Variants in FUT8 observed in about 807,000 individuals in gnomAD.
The protein encoded by FUT8 is alpha-(1,6)-fucosyltransferase.
Under a neutral mutation model 71.3 loss-of-function variants are expected in FUT8, and 29 were observed. The ratio of observed to expected loss-of-function variants is 0.41; its 90% CI spans 0.30 to 0.55. FUT8 has a LOEUF of 0.55. Ranked by LOEUF, FUT8 falls within the 20% of genes least tolerant of loss-of-function variation. The pLI is 0.34. For missense variants in FUT8, 544 were observed against 702.1 expected, an observed-to-expected ratio of 0.77 and a Z score of 2.55; for synonymous variants, 254 against 239.3, an observed-to-expected ratio of 1.06 and a Z score of -0.57.
intron 2 of FUT8, among the ~76,000 whole-genome samples, chr14:65,484,674 A>G (rs535595792): frequency 1.3e-5 from 2 of 152,138 alleles, no homozygotes; most frequent in Non-Finnish European, 2.9e-5. Context: ...GCCCTGTCTC[A>G]AAAAAATAAA....
intron 7 of FUT8, among the ~76,000 whole-genome samples, chr14:65,684,881 G>A (rs774056590): frequency 3.9e-5 from 6 of 152,074 alleles, no homozygotes; most frequent in African/African-American, 1.4e-4. Context: ...ACCTAGTCTC[G>A]GGTATGTCTT....
In FUT8 at chr14:65,620,062, A is replaced by G. The variant is rs149720411; in HGVS notation, c.482+3689A>G. Among the ~76,000 whole-genome samples the G allele has an allele frequency of 2.6e-5, 4 of 152,268 alleles. No individual in the cohort carries two copies. In the East Asian group the frequency reaches 7.7e-4, roughly 29 times the overall value. On this transcript the variant is annotated intron_variant, in intron 5 of 10. Coordinates refer to ENST00000673929, the MANE Select transcript of FUT8 (RefSeq NM_001371533.1). ...GTTTAACTTAATCACTGTTGCTCTG[A>G]TTCTTTTTATCATCTTCATATTGCC... is the stretch of plus-strand genomic sequence containing the variant.
chr14:65,486,074 CT>C (rs926520427), intron 2 of FUT8, among the ~76,000 whole-genome samples: 5 of 152,172 alleles, frequency 3.3e-5, no homozygotes, highest in African/African-American at 1.2e-4. Flanking sequence ...TTTTTTAAAA[CT>C]TTTTTTCCCA....
intron 3 of FUT8, among the ~76,000 whole-genome samples, chr14:65,608,063 CAAAAAAAAAAAA>C (rs35942953): frequency 9.2e-6 from 1 of 108,626 alleles, no homozygotes; most frequent in Non-Finnish European, 1.8e-5. Context: ...GACTCCGTCT[CAAAAAAAAAAAA>C]AAAAAAATGC....
the FUT8 span, among the ~76,000 whole-genome samples, chr14:65,367,154 C>G: frequency 6.6e-6 from 1 of 152,178 alleles, no homozygotes; most frequent in Non-Finnish European, 1.5e-5. Flanking sequence ...TTCTACATTA[C>G]AGAAAGTGGA....
chr14:65,710,015 C>T (rs1366933358), intron 7 of FUT8, among the ~76,000 whole-genome samples: 2 of 152,174 alleles, frequency 1.3e-5, no homozygotes, highest in East Asian at 3.8e-4. Flanking sequence ...CTCTCTTTTT[C>T]AGTTGGTTTC....
intron 1 of FUT8, among the ~76,000 whole-genome samples, chr14:65,428,932 C>T (rs534616553): frequency 1.3e-5 from 2 of 152,168 alleles, no homozygotes; most frequent in South Asian, 2.1e-4. Flanking sequence ...TCAAGAAGAA[C>T]GAAGGAAAGT....
intron 7 of FUT8, among the ~76,000 whole-genome samples, chr14:65,681,700 A>C (rs1422144693): frequency 6.6e-6 from 1 of 152,228 alleles, no homozygotes; most frequent in Non-Finnish European, 1.5e-5. Flanking sequence ...AGTACTGCTC[A>C]GTTCAGGCAC....
chr14:65,491,316 G>C (rs1214255977), intron 2 of FUT8, among the ~76,000 whole-genome samples: 3 of 152,094 alleles, frequency 2.0e-5, no homozygotes, highest in African/African-American at 7.2e-5. Flanking sequence ...ATCAAAGGGG[G>C]TTTATAGGTC....
At chr14:65,608,384 T>G (rs1888698542) in intron 3 of FUT8, among the ~76,000 whole-genome samples, 1 of 151,958 alleles carries the variant, frequency 6.6e-6, no homozygotes, top group Admixed American at 6.6e-5. Context: ...CAACCTGTTT[T>G]ACATGAATTA....
At chr14:65,621,611 G>A (rs189115562) in intron 5 of FUT8, among the ~76,000 whole-genome samples, 187 of 151,888 alleles carry the variant, frequency 1.2e-3, no homozygotes, top group African/African-American at 4.3e-3. Context: ...GCCCAGGCTG[G>A]AGTGCAATGG....
chr14:65,648,028 T>A (rs527971153), intron 6 of FUT8, among the ~76,000 whole-genome samples: 1 of 152,358 alleles, frequency 6.6e-6, no homozygotes, highest in Non-Finnish European at 1.5e-5. Flanking sequence ...CAGATTTTAT[T>A]GGCCTAGACC....
chr14:65,726,453 AG>A (rs1246917656), intron 9 of FUT8, among the ~76,000 whole-genome samples: 1 of 152,222 alleles, frequency 6.6e-6, no homozygotes, highest in Non-Finnish European at 1.5e-5. Flanking sequence ...AGAAGGTGAA[AG>A]GCAATTCTCA....
chr14:65,497,398 C>CT (rs1180806359), intron 2 of FUT8, among the ~76,000 whole-genome samples: 2 of 152,202 alleles, frequency 1.3e-5, no homozygotes, highest in African/African-American at 2.4e-5. Flanking sequence ...ATCTGAAACT[C>CT]TGAGTCTGAA....
At chr14:65,419,795 C>CT (rs2065267195) in intron 1 of FUT8, among the ~76,000 whole-genome samples, 1 of 152,060 alleles carries the variant, frequency 6.6e-6, no homozygotes, top group African/African-American at 2.4e-5. Context: ...CCAAAAGGTC[C>CT]TGTCTTATGC....
intron 1 of FUT8, among the ~76,000 whole-genome samples, chr14:65,422,603 G>C (rs1306346778): frequency 6.6e-6 from 1 of 152,020 alleles, no homozygotes; most frequent in Admixed American, 6.6e-5. Flanking sequence ...GACTTAGGCA[G>C]TCCTCCTGCC....
chr14:65,460,171 A>G (rs2065950972), intron 2 of FUT8, among the ~76,000 whole-genome samples: 1 of 152,226 alleles, frequency 6.6e-6, no homozygotes, highest in Non-Finnish European at 1.5e-5. Context: ...GGAAATAGGT[A>G]TTGAGAGACA....
intron 2 of FUT8, among the ~76,000 whole-genome samples, chr14:65,477,520 A>G (rs1193582171): frequency 6.6e-6 from 1 of 152,168 alleles, no homozygotes; most frequent in African/African-American, 2.4e-5. Context: ...CTATTTTTAT[A>G]CAGATATTTC....
intron 8 of FUT8, among the ~76,000 whole-genome samples, 165 bp downstream of exon 8, chr14:65,722,186 T>G (rs150642442): frequency 6.6e-6 from 1 of 152,362 alleles, no homozygotes; most frequent in African/African-American, 2.4e-5. Flanking sequence ...TATTTTTTTT[T>G]GTTTGTTTAC....
Sources: allele counts gnomAD v4.1 joint callset (sites outside exome capture counted in the v4.1 genomes callset), GRCh38; gene constraint gnomAD v4.1.1; transcripts MANE v1.5; gene names NCBI Gene and HGNC (gene_info 2026-07-23, HGNC 2026-07-21).